The following NR3C2 variants were observed in gnomAD, a reference collection of about 807,000 sequenced individuals.
NR3C2 encodes the protein mineralocorticoid receptor.
Under a neutral mutation model 86.4 loss-of-function variants are expected in NR3C2, and 15 were observed. The observed-to-expected ratio is 0.17, with a 90% CI of 0.12 to 0.27. The LOEUF is 0.27. Ranked by LOEUF, NR3C2 falls within the 10% of genes least tolerant of loss-of-function variation. The probability of loss-of-function intolerance (pLI) is 1.00; values close to 1 mark genes in which losing one functional copy is unlikely to be tolerated. For synonymous variants in NR3C2, 458 were observed against 450.5 expected, an observed-to-expected ratio of 1.02 and a Z score of -0.21; for missense variants, 960 against 1,195.6, an observed-to-expected ratio of 0.80 and a Z score of 2.91.
rs1470439377 is a variant in NR3C2, at chr4:148,092,275, CT to C, written c.2800-10777del. 2.0e-5 allele frequency among the ~76,000 whole-genome samples: 3 copies of C among 152,284 alleles called. No homozygotes were observed. The East Asian group carries it at 5.8e-4, about 29-fold the overall frequency. ...TTTTCTCATTTACTTAACAATTAGC[CT>C]TGGAGCCTGGTGACCCCACTTTCTC... On this transcript the variant is annotated intron_variant, in intron 8 of 8. Coordinates refer to ENST00000358102, the MANE Select transcript of NR3C2 (RefSeq NM_000901.5).
intron 6 of NR3C2, among the ~76,000 whole-genome samples, chr4:148,151,886 A>G (rs1039288215): frequency 6.6e-6 from 1 of 152,258 alleles, no homozygotes; most frequent in African/African-American, 2.4e-5. Flanking sequence ...TAAAATAGGA[A>G]GGAATTTGTG....
intron 7 of NR3C2, among the ~76,000 whole-genome samples, chr4:148,118,772 C>T (rs995720433): frequency 9.2e-5 from 14 of 152,160 alleles, no homozygotes; most frequent in Admixed American, 3.9e-4. Flanking sequence ...CATTTCTCTG[C>T]GCTCAAAACC....
intron 2 of NR3C2, among the ~76,000 whole-genome samples, chr4:148,269,205 C>A (rs1343873048): frequency 1.3e-5 from 2 of 151,942 alleles, no homozygotes; most frequent in Admixed American, 6.6e-5. Flanking sequence ...GAAGAAAAGT[C>A]CAAGTGGGGG....
intron 4 of NR3C2, among the ~76,000 whole-genome samples, chr4:148,172,074 T>C (rs1056801911): frequency 6.6e-6 from 1 of 152,210 alleles, no homozygotes; most frequent in Non-Finnish European, 1.5e-5. Context: ...GTTTGCTTCA[T>C]TCTTGGTTTT....
At chr4:148,217,295 C>T (rs1214233278) in intron 3 of NR3C2, among the ~76,000 whole-genome samples, 1 of 152,186 alleles carries the variant, frequency 6.6e-6, no homozygotes, top group Non-Finnish European at 1.5e-5. Context: ...CACAGGAAGG[C>T]AATCTGTCCA....
At chr4:148,320,617 G>A (rs994252954) in intron 2 of NR3C2, among the ~76,000 whole-genome samples, 3 of 150,036 alleles carry the variant, frequency 2.0e-5, no homozygotes, top group African/African-American at 7.4e-5. Context: ...GAGTGTATGT[G>A]TCGAAGAAGT....
intron 7 of NR3C2, among the ~76,000 whole-genome samples, chr4:148,116,059 G>C (rs1732260350): frequency 6.6e-6 from 1 of 152,124 alleles, no homozygotes; most frequent in South Asian, 2.1e-4. Context: ...CCACAGATTA[G>C]CATTTAAGTT....
chr4:148,413,094 A>T (rs1748792038), intron 2 of NR3C2, among the ~76,000 whole-genome samples: 1 of 152,186 alleles, frequency 6.6e-6, no homozygotes, highest in South Asian at 2.1e-4. Flanking sequence ...TGAACCTCAA[A>T]ACCAAATAAG....
intron 6 of NR3C2, among the ~76,000 whole-genome samples, chr4:148,128,977 A>T (rs1382847844): frequency 6.6e-6 from 1 of 152,210 alleles, no homozygotes; most frequent in Non-Finnish European, 1.5e-5. Flanking sequence ...TGATACATGG[A>T]CCTTGAACTT....
chr4:148,375,361 C>T (rs1746622908), intron 2 of NR3C2, among the ~76,000 whole-genome samples: 7 of 151,664 alleles, frequency 4.6e-5, no homozygotes, highest in Admixed American at 4.6e-4. Flanking sequence ...GAGGCTGAGA[C>T]AGGAGAATTG....
At chr4:148,139,080 C>A (rs915587927) in intron 6 of NR3C2, among the ~76,000 whole-genome samples, 9 of 152,180 alleles carry the variant, frequency 5.9e-5, no homozygotes, top group African/African-American at 1.9e-4. Flanking sequence ...TTAAATTACC[C>A]AGAATCAGGG....
intron 2 of NR3C2, among the ~76,000 whole-genome samples, chr4:148,314,207 A>G (rs1328603850): frequency 6.6e-6 from 1 of 152,184 alleles, no homozygotes; most frequent in African/African-American, 2.4e-5. Context: ...GAGATGAGCA[A>G]GTATGACAAG....
chr4:148,440,369 T>G (rs540452486), intron 1 of NR3C2, among the ~76,000 whole-genome samples: 22 of 152,242 alleles, frequency 1.4e-4, no homozygotes, highest in Non-Finnish European at 2.2e-4. Flanking sequence ...GAGCAGAATT[T>G]CAGTCAACCT....
At chr4:148,419,467 G>A (rs374078717) in intron 2 of NR3C2, among the ~76,000 whole-genome samples, 77 of 152,220 alleles carry the variant, frequency 5.1e-4, no homozygotes, top group African/African-American at 1.8e-3. Context: ...TATTTGCATC[G>A]AGAATGGCAC....
chr4:148,385,484 G>A (rs1291211444), intron 2 of NR3C2, among the ~76,000 whole-genome samples: 1 of 152,180 alleles, frequency 6.6e-6, no homozygotes, highest in African/African-American at 2.4e-5. Flanking sequence ...AGAAACCTCA[G>A]GTTGCTCAGA....
intron 6 of NR3C2, among the ~76,000 whole-genome samples, chr4:148,130,647 AG>A (rs1041690772): frequency 1.3e-5 from 2 of 152,184 alleles, no homozygotes; most frequent in Non-Finnish European, 2.9e-5. Flanking sequence ...GGCAATAAAC[AG>A]GAACAGGTAA....
chr4:148,222,249 T>C (rs1023918873), intron 3 of NR3C2, among the ~76,000 whole-genome samples: 2 of 152,168 alleles, frequency 1.3e-5, no homozygotes, highest in Non-Finnish European at 2.9e-5. Context: ...TCATCCAAAA[T>C]GACACATTTT....
chr4:148,317,461 G>A (rs779613163), intron 2 of NR3C2, among the ~76,000 whole-genome samples: 11 of 151,730 alleles, frequency 7.2e-5, no homozygotes, highest in African/African-American at 1.9e-4. Flanking sequence ...CTTCATATCC[G>A]CAATATCCCA....
intron 3 of NR3C2, among the ~76,000 whole-genome samples, chr4:148,215,433 A>G (rs1024008511): frequency 6.6e-6 from 1 of 152,196 alleles, no homozygotes; most frequent in African/African-American, 2.4e-5. Context: ...GGCTTTCCTT[A>G]TGAGGAAGCA....
Sources: allele counts gnomAD v4.1 joint callset (sites outside exome capture counted in the v4.1 genomes callset), GRCh38; gene constraint gnomAD v4.1.1; transcripts MANE v1.5; gene names NCBI Gene and HGNC (gene_info 2026-07-23, HGNC 2026-07-21).